LRP5: variants seen among roughly 807,000 people sequenced by gnomAD.
The protein encoded by LRP5 is low-density lipoprotein receptor-related protein 5.
A neutral mutation model predicts 154.1 loss-of-function variants in LRP5; 62 were observed. That is an observed-to-expected ratio of 0.40 (90% confidence interval 0.33 to 0.50). The LOEUF is 0.50. LRP5 is among the 20% of genes least tolerant of loss of function. LRP5 has a pLI of 0.55. For synonymous variants in LRP5, 966 were observed against 1,011.5 expected (o/e 0.96, Z 0.85); for missense variants, 1,915 against 2,336.7 (o/e 0.82, Z 3.72).
intron 1 of LRP5, among the ~76,000 whole-genome samples, chr11:68,324,492 C>T (rs1006667783): frequency 2.6e-5 from 4 of 152,208 alleles, no homozygotes; most frequent in Non-Finnish European, 2.9e-5. Flanking sequence ...GATTCTCACC[C>T]GCCCCCAGTG....
At chr11:68,405,816 C>T (rs2098655339) in intron 8 of LRP5, among the ~76,000 whole-genome samples, 1 of 152,210 alleles carries the variant, frequency 6.6e-6, no homozygotes, top group Non-Finnish European at 1.5e-5. Context: ...CCATGCTGGG[C>T]CAATGTGAGT....
intron 17 of LRP5, 44 bp from the exon 18 acceptor site, chr11:68,433,558 C>A: frequency 6.5e-7 from 1 of 1,545,490 alleles, no homozygotes; most frequent in Non-Finnish European, 8.9e-7. Flanking sequence ...CTGGGTTTTG[C>A]TGGGCGGGGC....
In LRP5 at chr11:68,316,107, C is replaced by G. The variant is rs377680200; in HGVS notation, c.91+3302C>G. 1.3e-3 allele frequency among the ~76,000 whole-genome samples: 194 copies of G among 152,236 alleles called. 1 individual carries two copies. The highest frequency in any genetic ancestry group is 4.6e-3 in the African/African-American group (191 of 41,552). ...ACACGGTGACTTCCCGTTCCCTCTC[C>G]CCGGATCCCCTGGTGAACACCAGTC... is the stretch of plus-strand genomic sequence containing the variant. On this transcript the variant is annotated intron_variant, in intron 1 of 22. Coordinates refer to ENST00000294304, the MANE Select transcript of LRP5 (RefSeq NM_002335.4).
chr11:68,352,544 C>G (rs1026040747), intron 2 of LRP5, among the ~76,000 whole-genome samples: 33 of 152,174 alleles, frequency 2.2e-4, no homozygotes, highest in African/African-American at 8.0e-4. Context: ...GGGAGGTGAT[C>G]AGTCGGGAGG....
chr11:68,366,901 C>T (rs755101892), intron 5 of LRP5, among the ~76,000 whole-genome samples: 2 of 150,674 alleles, frequency 1.3e-5, no homozygotes, highest in South Asian at 2.1e-4. Flanking sequence ...AGGCATTTGT[C>T]GAACACTTGC....
chr11:68,429,440 A>G (rs1019722680), intron 16 of LRP5, 135 bp from the exon 17 acceptor site: 2 of 1,026,234 alleles, frequency 1.9e-6, no homozygotes, highest in African/African-American at 3.1e-5. Flanking sequence ...AATAAGTGGG[A>G]GGATCCTCCC....
chr11:68,404,300 G>T, intron 8 of LRP5: 1 of 531,060 alleles, frequency 1.9e-6, no homozygotes, highest in Non-Finnish European at 3.7e-6. Context: ...GGGACTCTGT[G>T]TCCTGCCGGG....
chr11:68,390,362 G>A (rs1231888740), intron 7 of LRP5, among the ~76,000 whole-genome samples: 2 of 152,208 alleles, frequency 1.3e-5, no homozygotes, highest in African/African-American at 2.4e-5. Context: ...GGGGACACAG[G>A]AATCCTCTGC....
Position 68,389,697 on chromosome 11 carries a change from G to A in LRP5, c.1413-184G>A, listed in dbSNP as rs115157584. Among the ~76,000 whole-genome samples, 1,843 of 152,256 alleles carry A rather than the reference G, an allele frequency of 0.012. 33 individuals are homozygous for A. Among genetic ancestry groups the A allele is most frequent in the African/African-American group, 0.042 (1,759 of 41,538 alleles). ...ATATTTACCAACGCCAGCATCTACT[G>A]ACACTGATGTTTACCAACACCGACA... On this transcript the variant is annotated intron_variant, in intron 6 of 22. Transcript: ENST00000294304.
At chr11:68,414,094 C>T (rs1211424580) in intron 12 of LRP5, 82 bp downstream of exon 12, 1 of 1,326,184 alleles carries the variant, frequency 7.5e-7, no homozygotes, top group East Asian at 2.5e-5. Context: ...AGGAGCTTCT[C>T]ATCTGGGGTT....
upstream of LRP5, among the ~76,000 whole-genome samples, chr11:68,309,320 C>T (rs1292222446): frequency 6.6e-6 from 1 of 151,940 alleles, no homozygotes; most frequent in Non-Finnish European, 1.5e-5. Flanking sequence ...GCAACCTCTG[C>T]CTCCTGGGTT....
chr11:68,375,416 C>G (rs890709170), intron 5 of LRP5, among the ~76,000 whole-genome samples: 6 of 152,212 alleles, frequency 3.9e-5, no homozygotes, highest in African/African-American at 1.4e-4. Flanking sequence ...TTTGTTTCTC[C>G]CTGTGCACAT....
intron 21 of LRP5, chr11:68,445,661 G>T (rs1169874073): frequency 7.6e-7 from 1 of 1,318,920 alleles, no homozygotes; most frequent in Admixed American, 2.3e-5. Context: ...GTTGGGTTGG[G>T]GTGCCGTCAG....
intron 7 of LRP5, among the ~76,000 whole-genome samples, chr11:68,399,180 TGACAGA>T (rs1159212185): frequency 6.6e-6 from 1 of 151,890 alleles, no homozygotes; most frequent in Non-Finnish European, 1.5e-5. Flanking sequence ...CCAGCCTGGG[TGACAGA>T]GCAAGAACCT....
chr11:68,387,149 C>CTAGAG (rs1227255276), intron 6 of LRP5, among the ~76,000 whole-genome samples: 2 of 149,988 alleles, frequency 1.3e-5, no homozygotes, highest in East Asian at 2.0e-4. Context: ...GAGTCTCACT[C>CTAGAG]TGTCGCCCAG....
At chr11:68,419,300 A>T (rs1412244082) in intron 13 of LRP5, among the ~76,000 whole-genome samples, 1 of 138,440 alleles carries the variant, frequency 7.2e-6, no homozygotes, top group African/African-American at 2.7e-5. Flanking sequence ...TGGTGCGATC[A>T]TGGCTCACTG....
At chr11:68,378,746 C>T (rs1288938257) in intron 5 of LRP5, among the ~76,000 whole-genome samples, 1 of 152,066 alleles carries the variant, frequency 6.6e-6, no homozygotes, top group Admixed American at 6.6e-5. Context: ...GGATCAAAAT[C>T]GACTTTTAGG....
rs2098589309 is a variant in LRP5, at chr11:68,312,760, CTGCTGCTGCTGCTGGCGCTGT to C, written c.47_67del (p.Leu16_Cys23delinsArg). The stretch of plus-strand genomic sequence containing the variant: ...GCCGCCGTGGCCGCTGCTGCTGCTG[CTGCTGCTGCTGCTGGCGCTGT>C]GCGGCTGCCCGGCCCCCGCCGCGGG... On this transcript the variant is annotated inframe_deletion, in exon 1 of 23. Coordinates refer to ENST00000294304, the MANE Select transcript of LRP5 (RefSeq NM_002335.4). 1 of 1,090,810 alleles carries C rather than the reference CTGCTGCTGCTGCTGGCGCTGT, an allele frequency of 9.2e-7. No homozygotes were observed. 67.6% of individuals were successfully genotyped at this position (1,090,810 alleles called of 1,614,324 possible). A position where few individuals can be genotyped will look rare whatever the true frequency, so the allele number is the denominator to read the frequency against.
chr11:68,417,311 G>C (rs1266957862), intron 13 of LRP5, among the ~76,000 whole-genome samples: 1 of 152,080 alleles, frequency 6.6e-6, no homozygotes, highest in Non-Finnish European at 1.5e-5. Context: ...GTGTGGGTGT[G>C]ACCCTGCGCA....
Sources: gnomAD v4.1 joint callset for allele counts (sites outside exome capture counted in the v4.1 genomes callset) on GRCh38, gnomAD v4.1.1 for gene constraint, MANE v1.5 for transcripts, NCBI Gene and HGNC (gene_info 2026-07-23, HGNC 2026-07-21) for gene names.